Variants in KIF1B observed in about 807,000 individuals in gnomAD.
The protein encoded by KIF1B is kinesin-like protein KIF1B.
A neutral mutation model predicts 241.9 loss-of-function variants in KIF1B; 76 were observed. The ratio of observed to expected loss-of-function variants is 0.31; its 90% CI spans 0.26 to 0.38. KIF1B has a LOEUF of 0.38. Ranked by LOEUF, KIF1B falls within the 10% of genes least tolerant of loss-of-function variation. KIF1B has a pLI of 1.00. For synonymous variants in KIF1B, 750 were observed against 796.7 expected (o/e 0.94, Z 0.99); for missense variants, 1,622 against 2,271.4 (o/e 0.71, Z 5.81).
At chr1:10,281,030 G>A (rs1175329819) in intron 14 of KIF1B, among the ~76,000 whole-genome samples, 1 of 152,058 alleles carries the variant, frequency 6.6e-6, no homozygotes, top group African/African-American at 2.4e-5. Context: ...TTTAAAAGAT[G>A]CCTCTTTGCT....
chr1:10,374,188 C>A lies in KIF1B; in HGVS notation c.4947-128C>A. 1.0e-6 allele frequency: 1 copy of A among 964,054 alleles called. No homozygotes were observed. The highest frequency in any genetic ancestry group is 1.3e-5 in the South Asian group (1 of 75,712). The allele number at this position is 964,054 out of a possible 1,614,324, so 59.7% of individuals were successfully genotyped here. On this transcript the variant is annotated intron_variant, in intron 45 of 48. Transcript: ENST00000676179. The surrounding 1 kb of genome is among the most constrained non-coding windows in gnomAD (Gnocchi z 4.3). ...CTTGTCTCCTCAGCTGAGCTCTCTG[C>A]AACTCAAGTTTGCAGCTGGGGTTTA...
intron 15 of KIF1B, among the ~76,000 whole-genome samples, chr1:10,288,620 A>C (rs549729486): frequency 6.6e-6 from 1 of 152,258 alleles, no homozygotes; most frequent in East Asian, 1.9e-4. Flanking sequence ...TACCTCCTAC[A>C]TGGCTGCCTT....
rs200684032 is a variant in KIF1B, at chr1:10,324,898, A to G, written c.2675+3A>G. 3.8e-5 allele frequency: 61 copies of G among 1,614,000 alleles called. 1 individual carries two copies. The highest frequency in any genetic ancestry group is 3.3e-4 in the Middle Eastern group (2 of 6,062). Reference sequence around the variant, plus strand: ...CACTGGTTCAAACTTGTGGGGAGGTATGTGATGATTTTGTTGATGTCTTCT... The same window carrying G: ...CACTGGTTCAAACTTGTGGGGAGGTGTGTGATGATTTTGTTGATGTCTTCT... On this transcript the variant is annotated splice_donor_region_variant and intron_variant, in intron 26 of 48. Coordinates refer to ENST00000676179, the MANE Select transcript of KIF1B (RefSeq NM_001365951.3).
intron 17 of KIF1B, among the ~76,000 whole-genome samples, 182 bp from the exon 18 acceptor site, chr1:10,294,904 G>A (rs1033103240): frequency 1.3e-5 from 2 of 152,062 alleles, no homozygotes; most frequent in Non-Finnish European, 2.9e-5. Context: ...ACTTGGTTCC[G>A]TTTGGTGAGG....
At chr1:10,280,337 C>T (rs531826269) in intron 14 of KIF1B, among the ~76,000 whole-genome samples, 9 of 151,992 alleles carry the variant, frequency 5.9e-5, no homozygotes, top group East Asian at 1.9e-4. Flanking sequence ...TGGGTTCAAG[C>T]GATTTCTCCT....
At chr1:10,334,076 G>A (rs566814840) in intron 27 of KIF1B, among the ~76,000 whole-genome samples, 5 of 150,860 alleles carry the variant, frequency 3.3e-5, no homozygotes, top group Admixed American at 2.0e-4. Flanking sequence ...ACTTGAACCC[G>A]GGAGCCGGAG....
chr1:10,314,890 G>A (rs1651233450), intron 22 of KIF1B, among the ~76,000 whole-genome samples: 1 of 151,554 alleles, frequency 6.6e-6, no homozygotes, highest in Non-Finnish European at 1.5e-5. Context: ...TATTCTTGAA[G>A]AAATCCTCAA....
At chr1:10,341,708 T>A (rs1365242091) in intron 32 of KIF1B, among the ~76,000 whole-genome samples, 3 of 152,202 alleles carry the variant, frequency 2.0e-5, no homozygotes, top group African/African-American at 7.2e-5. Flanking sequence ...TAGTGGCTCA[T>A]GCCTGTAATC....
chr1:10,286,854 CAAAG>C (rs1407960550), intron 15 of KIF1B, among the ~76,000 whole-genome samples: 41 of 149,512 alleles, frequency 2.7e-4, no homozygotes, highest in East Asian at 9.8e-4. Flanking sequence ...TTTTTTTTTT[CAAAG>C]AAAGGGAGGA....
intron 2 of KIF1B, among the ~76,000 whole-genome samples, chr1:10,236,870 G>A (rs899876302): frequency 1.3e-5 from 2 of 151,754 alleles, no homozygotes; most frequent in African/African-American, 4.8e-5. Context: ...TAGAATGGAA[G>A]TGGGCATGCA....
At chr1:10,211,515 A>G (rs1006579332) in intron 1 of KIF1B, 2 of 152,176 alleles carry the variant, frequency 1.3e-5, no homozygotes, top group African/African-American at 2.4e-5. Context: ...TGATCTGACA[A>G]ATCCTTTAGG....
chr1:10,265,516 A>G (rs1260196869), intron 5 of KIF1B, among the ~76,000 whole-genome samples: 5 of 152,132 alleles, frequency 3.3e-5, no homozygotes, highest in South Asian at 2.1e-4. Context: ...GATTCCAGGC[A>G]TGAGCCACCA....
At chr1:10,289,654 C>T (rs995321830) in intron 15 of KIF1B, among the ~76,000 whole-genome samples, 4 of 152,210 alleles carry the variant, frequency 2.6e-5, no homozygotes, top group Admixed American at 1.3e-4. Flanking sequence ...GAGGCTGAAG[C>T]GGGCCGATCA....
chr1:10,249,748 A>T (rs1225283898), intron 2 of KIF1B, among the ~76,000 whole-genome samples: 2 of 152,052 alleles, frequency 1.3e-5, no homozygotes, highest in Admixed American at 6.6e-5. Flanking sequence ...CAAAAAAATA[A>T]ACAAATTAGC....
At chr1:10,335,327 A>T (rs982440744) in intron 28 of KIF1B, among the ~76,000 whole-genome samples, 4 of 152,144 alleles carry the variant, frequency 2.6e-5, no homozygotes, top group Non-Finnish European at 5.9e-5. Flanking sequence ...ATCTCAACTC[A>T]CTGCAATCTC....
At position 10,365,254 on chromosome 1, in the gene KIF1B, G is replaced by A. The variant is rs1241162758; in HGVS notation, c.4512+9G>A. On this transcript the variant is annotated intron_variant, in intron 42 of 48. Transcript: ENST00000676179. The surrounding 1 kb of genome is among the most constrained non-coding windows in gnomAD (Gnocchi z 4.0). ...TGGAGCTCCTACATGAGGTATCCAG[G>A]GGCAGGGTTGTTCAGATGCAAGAAC... 4 of 1,613,700 alleles carry A rather than the reference G, an allele frequency of 2.5e-6. No homozygotes were observed. In the South Asian group the frequency reaches 3.3e-5, roughly 13 times the overall value.
At chr1:10,272,838 T>C in intron 9 of KIF1B, among the ~76,000 whole-genome samples, 176 bp from the exon 10 acceptor site, 1 of 152,154 alleles carries the variant, frequency 6.6e-6, no homozygotes, top group East Asian at 1.9e-4. Flanking sequence ...AAATTAGTCA[T>C]TGTGTGTTCT....
intron 22 of KIF1B, among the ~76,000 whole-genome samples, chr1:10,315,361 AG>A (rs1235946092): frequency 1.3e-5 from 2 of 150,602 alleles, no homozygotes; most frequent in Non-Finnish European, 2.9e-5. Context: ...GTTTTTGTAG[AG>A]ATGGGGTTTC....
chr1:10,273,891 G>A (rs942783020), intron 10 of KIF1B, among the ~76,000 whole-genome samples: 1 of 150,438 alleles, frequency 6.6e-6, no homozygotes, highest in Non-Finnish European at 1.5e-5. Flanking sequence ...ATTTGCTGGA[G>A]TGGTGTTTAG....
Sources: allele counts gnomAD v4.1 joint callset (sites outside exome capture counted in the v4.1 genomes callset), GRCh38; gene constraint gnomAD v4.1.1; non-coding constraint Gnocchi (gnomAD v3.1); transcripts MANE v1.5; gene names NCBI Gene and HGNC (gene_info 2026-07-23, HGNC 2026-07-21).